Variants in CD247 observed in about 807,000 individuals in gnomAD.
The protein encoded by CD247 is CD247 molecule.
CD247 carries 13 observed loss-of-function variants against 30.0 expected under a neutral mutation model. The ratio of observed to expected loss-of-function variants is 0.43; its 90% CI spans 0.28 to 0.69. The LOEUF is 0.69. Ranked by LOEUF, CD247 falls within the 30% of genes least tolerant of loss-of-function variation. The probability of loss-of-function intolerance (pLI) is 0.16; values close to 1 mark genes in which losing one functional copy is unlikely to be tolerated. For missense variants in CD247, 193 were observed against 212.6 expected, an observed-to-expected ratio of 0.91 and a Z score of 0.57; for synonymous variants, 72 against 80.0, an observed-to-expected ratio of 0.90 and a Z score of 0.53.
chr1:167,493,904 G>A (rs1455906438), intron 1 of CD247, among the ~76,000 whole-genome samples: 1 of 152,106 alleles, frequency 6.6e-6, no homozygotes, highest in Non-Finnish European at 1.5e-5. Flanking sequence ...ATGTGCCCTG[G>A]TCAGGCACAG....
At chr1:167,477,277 G>A (rs1048836733) in intron 1 of CD247, among the ~76,000 whole-genome samples, 5 of 152,202 alleles carry the variant, frequency 3.3e-5, no homozygotes, top group Non-Finnish European at 7.3e-5. Flanking sequence ...GGAGGAAGAC[G>A]TTAAGAACAA....
At chr1:167,479,811 C>G (rs1319180710) in intron 1 of CD247, among the ~76,000 whole-genome samples, 1 of 152,226 alleles carries the variant, frequency 6.6e-6, no homozygotes, top group African/African-American at 2.4e-5. Context: ...GTTGAGGTTG[C>G]TCCAGGGGCA....
At chr1:167,517,990 C>A (rs991066077) in intron 1 of CD247, among the ~76,000 whole-genome samples, 1 of 152,104 alleles carries the variant, frequency 6.6e-6, no homozygotes. Context: ...ACGGAGCCAG[C>A]CAGAGGGTGA....
At chr1:167,446,485 A>G (rs1212131404) in intron 1 of CD247, among the ~76,000 whole-genome samples, 1 of 152,188 alleles carries the variant, frequency 6.6e-6, no homozygotes, top group East Asian at 1.9e-4. Flanking sequence ...GGGCTTTGAC[A>G]AGACCGATTT....
chr1:167,489,758 G>C (rs1482520517), intron 1 of CD247, among the ~76,000 whole-genome samples: 1 of 152,182 alleles, frequency 6.6e-6, no homozygotes, highest in Non-Finnish European at 1.5e-5. Context: ...CAAAAGCCCA[G>C]GGCAGCCCCC....
chr1:167,492,340 T>G (rs1654491623), intron 1 of CD247, among the ~76,000 whole-genome samples: 1 of 152,170 alleles, frequency 6.6e-6, no homozygotes, highest in Admixed American at 6.6e-5. Context: ...ACAGAAAGGC[T>G]TAACCCCTGC....
chr1:167,513,928 C>T (rs1341723186), intron 1 of CD247, among the ~76,000 whole-genome samples: 1 of 152,158 alleles, frequency 6.6e-6, no homozygotes, highest in African/African-American at 2.4e-5. Context: ...TCAAACTGCC[C>T]TGTCCCCTCC....
chr1:167,461,298 G>T (rs1652996799), intron 1 of CD247, among the ~76,000 whole-genome samples: 1 of 152,240 alleles, frequency 6.6e-6, no homozygotes, highest in Admixed American at 6.5e-5. Flanking sequence ...GGATAAATGA[G>T]ATCCACTATC....
chr1:167,503,981 T>C (rs1655013998), intron 1 of CD247, among the ~76,000 whole-genome samples: 1 of 152,200 alleles, frequency 6.6e-6, no homozygotes, highest in Non-Finnish European at 1.5e-5. Context: ...GCTAATTCCC[T>C]TCTCCATGTG....
chr1:167,445,195 G>A (rs541627003), intron 1 of CD247, among the ~76,000 whole-genome samples: 86 of 152,180 alleles, frequency 5.7e-4, no homozygotes, highest in African/African-American at 1.8e-3. Flanking sequence ...CAAAGTGCTC[G>A]GATTACAGGC....
At chr1:167,490,685 C>G (rs990579499) in intron 1 of CD247, among the ~76,000 whole-genome samples, 1 of 152,250 alleles carries the variant, frequency 6.6e-6, no homozygotes, top group Admixed American at 6.5e-5. Context: ...GTAATCCCAG[C>G]CCTTTGGGAG....
rs556030205 is a variant in CD247 at position 167,485,532 on chromosome 1, C to G, written c.58+32876G>C. On this transcript the variant is annotated intron_variant, in intron 1 of 7. Coordinates refer to ENST00000362089, the MANE Select transcript of CD247 (RefSeq NM_198053.3). Reference sequence around the variant, plus strand: ...GTGGATTGAGGGAGACCCAGGAAAACGACCCACTCACACACCTGCCTTTCC... The same window carrying G: ...GTGGATTGAGGGAGACCCAGGAAAAGGACCCACTCACACACCTGCCTTTCC... Among the ~76,000 whole-genome samples the G allele has an allele frequency of 4.6e-5, 7 of 151,504 alleles. No individual in the cohort carries two copies. In the East Asian group the frequency reaches 1.4e-3, roughly 30 times the overall value.
chr1:167,460,205 T>C (rs1571544867), intron 1 of CD247, among the ~76,000 whole-genome samples: 1 of 152,070 alleles, frequency 6.6e-6, no homozygotes, highest in Admixed American at 6.5e-5. Context: ...GGTTTGAGAC[T>C]AGCCTGGGCA....
At chr1:167,509,646 T>C (rs1655303788) in intron 1 of CD247, among the ~76,000 whole-genome samples, 1 of 152,186 alleles carries the variant, frequency 6.6e-6, no homozygotes, top group Non-Finnish European at 1.5e-5. Context: ...GTCTCTTCTC[T>C]GGGAACGCCT....
chr1:167,441,500 A>C (rs1651830067), intron 1 of CD247, among the ~76,000 whole-genome samples: 1 of 151,014 alleles, frequency 6.6e-6, no homozygotes. Context: ...CACTACACAC[A>C]CCCCATTCCC....
intron 1 of CD247, among the ~76,000 whole-genome samples, chr1:167,507,788 A>G (rs962984088): frequency 6.6e-6 from 1 of 151,922 alleles, no homozygotes; most frequent in Non-Finnish European, 1.5e-5. Context: ...GTGAGCTGTG[A>G]TCACACCCCT....
chr1:167,479,874 C>T (rs556456026), intron 1 of CD247, among the ~76,000 whole-genome samples: 10 of 152,364 alleles, frequency 6.6e-5, no homozygotes, highest in African/African-American at 2.4e-4. Context: ...TTTAGCACAA[C>T]TGCATTCTTT....
intron 1 of CD247, among the ~76,000 whole-genome samples, chr1:167,512,545 GAA>G (rs1232274348): frequency 1.3e-5 from 2 of 152,148 alleles, no homozygotes; most frequent in Non-Finnish European, 2.9e-5. Flanking sequence ...AGCCTAGAGA[GAA>G]ATTTCTGCCC....
intron 1 of CD247, among the ~76,000 whole-genome samples, chr1:167,476,892 C>G (rs1360723088): frequency 6.6e-6 from 1 of 152,158 alleles, no homozygotes; most frequent in African/African-American, 2.4e-5. Flanking sequence ...TCATTTGATT[C>G]TCATAAAACC....
Sources: gnomAD v4.1 joint callset for allele counts (sites outside exome capture counted in the v4.1 genomes callset) on GRCh38, gnomAD v4.1.1 for gene constraint, MANE v1.5 for transcripts, NCBI Gene and HGNC (gene_info 2026-07-23, HGNC 2026-07-21) for gene names.